The following USH2A variants were observed in gnomAD, a reference collection of about 807,000 sequenced individuals.
The protein encoded by USH2A is Usher syndrome 2A (autosomal recessive, mild).
A neutral mutation model predicts 538.9 loss-of-function variants in USH2A; 443 were observed. The observed-to-expected ratio is 0.82, with a 90% CI of 0.76 to 0.89. The LOEUF (loss-of-function observed/expected upper bound fraction) is 0.89, where lower values mean the gene tolerates loss of function less well. USH2A is among the 40% of genes least tolerant of loss of function. The pLI, the probability that USH2A is intolerant of heterozygous loss-of-function variation, is 0.00. For synonymous variants in USH2A, 2,413 were observed against 2,273.5 expected (o/e 1.06, Z -1.75); for missense variants, 6,633 against 6,324.8 (o/e 1.05, Z -1.65).
At chr1:216,222,371 G>A (rs907572772) in intron 14 of USH2A, among the ~76,000 whole-genome samples, 2 of 152,180 alleles carry the variant, frequency 1.3e-5, no homozygotes, top group African/African-American at 4.8e-5. Flanking sequence ...TAAACATGTG[G>A]CTGACCCCCA....
At chr1:215,733,198 G>T (rs559782589) in intron 60 of USH2A, among the ~76,000 whole-genome samples, 1 of 89,344 alleles carries the variant, frequency 1.1e-5, no homozygotes, top group Non-Finnish European at 2.5e-5. Context: ...GAGAGGTGGC[G>T]GGGGGGCGGG....
intron 47 of USH2A, among the ~76,000 whole-genome samples, chr1:215,836,146 T>G (rs146666745): frequency 0.013 from 1,925 of 152,034 alleles, 17 homozygotes; most frequent in Non-Finnish European, 0.02. Flanking sequence ...CACATGGGCT[T>G]GAGTCATGGG....
chr1:216,376,695 A>G (rs2038828018), intron 3 of USH2A, among the ~76,000 whole-genome samples: 1 of 152,184 alleles, frequency 6.6e-6, no homozygotes, highest in African/African-American at 2.4e-5. Flanking sequence ...GGAATAAGCC[A>G]AAGTATACCA....
chr1:216,043,200 T>A (rs1171474818), intron 32 of USH2A, among the ~76,000 whole-genome samples: 1 of 152,192 alleles, frequency 6.6e-6, no homozygotes, highest in East Asian at 1.9e-4. Context: ...ACATTTGAAT[T>A]AGTTCCTCTG....
chr1:215,645,914 A>G (rs767280187), intron 67 of USH2A, among the ~76,000 whole-genome samples: 1 of 152,084 alleles, frequency 6.6e-6, no homozygotes, highest in Non-Finnish European at 1.5e-5. Flanking sequence ...ATATTTATTA[A>G]TGGGAAATTA....
chr1:216,095,259 TC>T (rs1324499626), intron 22 of USH2A, among the ~76,000 whole-genome samples: 6 of 152,304 alleles, frequency 3.9e-5, no homozygotes, highest in Non-Finnish European at 7.3e-5. Context: ...TATCTAACTT[TC>T]TTGTTTTTGT....
At chr1:216,128,088 G>A (rs577380756) in intron 21 of USH2A, among the ~76,000 whole-genome samples, 2 of 152,218 alleles carry the variant, frequency 1.3e-5, no homozygotes, top group African/African-American at 4.8e-5. Context: ...TGACTTTTAT[G>A]AGGAAAATGT....
chr1:216,198,205 T>C, intron 18 of USH2A, 110 bp downstream of exon 18: 1 of 1,528,266 alleles, frequency 6.5e-7, no homozygotes, highest in Non-Finnish European at 8.9e-7. Flanking sequence ...TCTATGGAAG[T>C]TTCTAATTCT....
At chr1:216,009,274 C>T (rs1285305225) in intron 32 of USH2A, among the ~76,000 whole-genome samples, 1 of 152,094 alleles carries the variant, frequency 6.6e-6, no homozygotes, top group South Asian at 2.1e-4. Flanking sequence ...CTTCCACCCT[C>T]CATTCCTTCT....
chr1:216,367,729 C>T (rs1035872494), intron 3 of USH2A, among the ~76,000 whole-genome samples: 1 of 152,166 alleles, frequency 6.6e-6, no homozygotes, highest in African/African-American at 2.4e-5. Context: ...GGTTTTTCTG[C>T]ACCATGTTTT....
rs1182986324 is a variant in USH2A, at chr1:215,759,712, C to T, written c.11179G>A (p.Gly3727Ser). ...LSRNGNLLFL[G>S]GSEEQNFTDK... ...GTGAAATTCTGCTCCTCACTGCCACCCAGGAAAAGCAAGTTTCCATTACGA... is the reference window on the plus strand; with the variant it reads ...GTGAAATTCTGCTCCTCACTGCCACTCAGGAAAAGCAAGTTTCCATTACGA... The change falls in exon 57 of 72, where the codon GGT becomes AGT. Residue 3727 changes from glycine to serine, a missense_variant. By Grantham distance (56) the Gly-to-Ser change is moderately conservative. Coordinates refer to ENST00000307340, the MANE Select transcript of USH2A (RefSeq NM_206933.4). 1 of 1,613,864 alleles carries T rather than the reference C, an allele frequency of 6.2e-7. No homozygotes were observed. The highest frequency in any genetic ancestry group is 1.3e-5 in the African/African-American group (1 of 74,902).
intron 18 of USH2A, among the ~76,000 whole-genome samples, chr1:216,197,364 C>T (rs2034873977): frequency 6.6e-6 from 1 of 152,126 alleles, no homozygotes; most frequent in Non-Finnish European, 1.5e-5. Flanking sequence ...CTTTCATTAG[C>T]TAGTGACCCA....
intron 64 of USH2A, among the ~76,000 whole-genome samples, chr1:215,654,941 A>C (rs1355818431): frequency 1.3e-5 from 2 of 152,252 alleles, no homozygotes; most frequent in South Asian, 2.1e-4. Flanking sequence ...AACATCTGCC[A>C]CTAAGCTGCC....
At chr1:215,938,414 G>A (rs552911259) in intron 37 of USH2A, among the ~76,000 whole-genome samples, 1 of 152,098 alleles carries the variant, frequency 6.6e-6, no homozygotes, top group African/African-American at 2.4e-5. Context: ...AATATGGGCG[G>A]GGAGGGGTAG....
chr1:216,058,103 G>A (rs2031042407), intron 30 of USH2A, among the ~76,000 whole-genome samples: 1 of 152,190 alleles, frequency 6.6e-6, no homozygotes, highest in Non-Finnish European at 1.5e-5. Context: ...AGGAGCTCAA[G>A]CAGTCATCTT....
At chr1:215,939,468 T>C (rs911878358) in intron 37 of USH2A, among the ~76,000 whole-genome samples, 3 of 152,168 alleles carry the variant, frequency 2.0e-5, no homozygotes, top group Non-Finnish European at 4.4e-5. Context: ...TTTTCTTTAG[T>C]CTCAAATATA....
chr1:215,824,151 A>T (rs562214074), intron 47 of USH2A, among the ~76,000 whole-genome samples: 1 of 152,182 alleles, frequency 6.6e-6, no homozygotes, highest in South Asian at 2.1e-4. Flanking sequence ...ATTATTTTTA[A>T]TTCCCTGAAT....
chr1:216,020,837 T>C (rs191761127), intron 32 of USH2A, among the ~76,000 whole-genome samples: 5 of 152,344 alleles, frequency 3.3e-5, no homozygotes, highest in African/African-American at 9.6e-5. Context: ...TCTGGCTGTT[T>C]ATATGCATCC....
chr1:215,784,469 C>T (rs1324828806), intron 52 of USH2A, among the ~76,000 whole-genome samples: 1 of 148,054 alleles, frequency 6.8e-6, no homozygotes, highest in African/African-American at 2.6e-5. Flanking sequence ...TTTGCTGCTT[C>T]CTTCTTTCTT....
Sources: allele counts gnomAD v4.1 joint callset (sites outside exome capture counted in the v4.1 genomes callset), GRCh38; gene constraint gnomAD v4.1.1; transcripts MANE v1.5; gene names NCBI Gene and HGNC (gene_info 2026-07-23, HGNC 2026-07-21).